MAMDC2: variants seen among roughly 807,000 people sequenced by gnomAD.
MAMDC2 encodes the protein MAM domain containing 2, also known as MAM domain-containing protein 2.
A neutral mutation model predicts 89.8 loss-of-function variants in MAMDC2; 57 were observed. The ratio of observed to expected loss-of-function variants is 0.63; its 90% confidence interval spans 0.51 to 0.79. The LOEUF (loss-of-function observed/expected upper bound fraction) is 0.79, where lower values mean the gene tolerates loss of function less well. Ranked by LOEUF, MAMDC2 falls within the 30% of genes least tolerant of loss-of-function variation. The pLI is 0.00. For synonymous variants in MAMDC2, 313 were observed against 293.4 expected, an observed-to-expected ratio of 1.07 and a Z score of -0.68; for missense variants, 800 against 820.6, an observed-to-expected ratio of 0.97 and a Z score of 0.31.
intron 2 of MAMDC2, among the ~76,000 whole-genome samples, chr9:70,095,106 T>C (rs1274295369): frequency 6.6e-6 from 1 of 152,092 alleles, no homozygotes. Flanking sequence ...CCTGAAGCAA[T>C]AAAGAGCCTG....
intron 4 of MAMDC2, among the ~76,000 whole-genome samples, chr9:70,111,681 G>T (rs2078391): frequency 0.33 from 49,689 of 152,116 alleles, 10,198 homozygotes; most frequent in Non-Finnish European, 0.45. Flanking sequence ...AATGTTCAGT[G>T]CTTGCTAATG....
rs569857379 is a variant in MAMDC2 at position 70,121,902 on chromosome 9, C to T, written c.644-4257C>T. 9.9e-5 allele frequency among the ~76,000 whole-genome samples: 15 copies of T among 152,236 alleles called. No individual in the cohort carries two copies. In the South Asian group the frequency reaches 3.1e-3, roughly 32 times the overall value. On this transcript the variant is annotated intron_variant, in intron 5 of 13. Transcript: ENST00000377182. Reference sequence around the variant, plus strand: ...AGGAGAATACAATGGCACCTGCAGCCACCTACCCATTGACTCCTCTTCCTC... The same window carrying T: ...AGGAGAATACAATGGCACCTGCAGCTACCTACCCATTGACTCCTCTTCCTC...
At chr9:70,115,419 A>G (rs1046538075) in intron 5 of MAMDC2, among the ~76,000 whole-genome samples, 7 of 151,640 alleles carry the variant, frequency 4.6e-5, no homozygotes, top group African/African-American at 1.5e-4. Context: ...CAGTGGTGCA[A>G]TCTCAGCTCA....
At chr9:70,178,864 G>A (rs2032570172) in intron 11 of MAMDC2, among the ~76,000 whole-genome samples, 1 of 152,220 alleles carries the variant, frequency 6.6e-6, no homozygotes, top group Non-Finnish European at 1.5e-5. Flanking sequence ...GAGGAAGGAA[G>A]CATTCCAGGA....
chr9:70,056,156 G>A (rs117126783), intron 2 of MAMDC2, among the ~76,000 whole-genome samples: 22 of 152,282 alleles, frequency 1.4e-4, no homozygotes, highest in African/African-American at 4.3e-4. Flanking sequence ...TGACTCCTTC[G>A]TTTACCAATA....
intron 11 of MAMDC2, among the ~76,000 whole-genome samples, chr9:70,185,295 T>C (rs1042155725): frequency 6.6e-6 from 1 of 152,178 alleles, no homozygotes; most frequent in Non-Finnish European, 1.5e-5. Context: ...CAGCCAGAGC[T>C]CTCCTGTAAG....
At chr9:70,123,366 G>A (rs1032573092) in intron 5 of MAMDC2, among the ~76,000 whole-genome samples, 1 of 152,108 alleles carries the variant, frequency 6.6e-6, no homozygotes, top group African/African-American at 2.4e-5. Flanking sequence ...GGGTTTCCAA[G>A]CTTGGGATAT....
At chr9:70,185,275 T>G (rs1307591105) in intron 11 of MAMDC2, among the ~76,000 whole-genome samples, 1 of 152,180 alleles carries the variant, frequency 6.6e-6, no homozygotes, top group East Asian at 1.9e-4. Context: ...GAGGGCCACC[T>G]GCCAGATGCC....
chr9:70,216,732 A>AGTT (rs1304766985), intron 11 of MAMDC2, among the ~76,000 whole-genome samples: 1 of 152,240 alleles, frequency 6.6e-6, no homozygotes, highest in East Asian at 1.9e-4. Flanking sequence ...ACTAGTGAAG[A>AGTT]GTTTAGGGCC....
At chr9:70,180,977 T>C (rs543033094) in intron 11 of MAMDC2, among the ~76,000 whole-genome samples, 1 of 152,362 alleles carries the variant, frequency 6.6e-6, no homozygotes, top group East Asian at 1.9e-4. Flanking sequence ...ATGGTTTTTA[T>C]GGTTTTAGGT....
chr9:70,139,485 G>A (rs1372454594), intron 7 of MAMDC2, among the ~76,000 whole-genome samples: 2 of 151,630 alleles, frequency 1.3e-5, no homozygotes, highest in East Asian at 1.9e-4. Context: ...ATTCCATGGT[G>A]TATATGTGCC....
At chr9:70,071,627 CAAAG>C (rs1380723253) in intron 2 of MAMDC2, 4 of 151,982 alleles carry the variant, frequency 2.6e-5, no homozygotes, top group African/African-American at 4.8e-5. Flanking sequence ...AAGATAAAGC[CAAAG>C]AAAGAGTTTG....
rs532556395 is a variant in MAMDC2 at position 70,167,557 on chromosome 9, A to G, written c.1405-1145A>G. ...GATTTGTAATTGAGGGATTCAATGA[A>G]CATGGACTAAATGAGCTTGTGCTAC... On this transcript the variant is annotated intron_variant, in intron 9 of 13. Transcript: ENST00000377182. Among the ~76,000 whole-genome samples the G allele has an allele frequency of 3.3e-5, 5 of 152,354 alleles. No homozygotes were observed. In the South Asian group the frequency reaches 1.0e-3, roughly 32 times the overall value.
intron 7 of MAMDC2, among the ~76,000 whole-genome samples, chr9:70,135,235 A>G (rs2118382061): frequency 6.6e-6 from 1 of 152,298 alleles, no homozygotes; most frequent in East Asian, 1.9e-4. Flanking sequence ...AGATGCTCAG[A>G]GGCTTCCAAC....
chr9:70,146,170 C>T (rs374399178), intron 9 of MAMDC2, among the ~76,000 whole-genome samples: 5 of 152,172 alleles, frequency 3.3e-5, no homozygotes, highest in South Asian at 4.1e-4. Flanking sequence ...AATTGGTGCA[C>T]GCCTCCTAGC....
At chr9:70,157,766 A>AG (rs1219021937) in intron 9 of MAMDC2, 2 of 152,574 alleles carry the variant, frequency 1.3e-5, no homozygotes, top group East Asian at 1.9e-4. Flanking sequence ...GTCAAGTCAG[A>AG]GGGGGAAAAA....
At chr9:70,058,457 A>T (rs988753057) in intron 2 of MAMDC2, among the ~76,000 whole-genome samples, 3 of 152,194 alleles carry the variant, frequency 2.0e-5, no homozygotes, top group Non-Finnish European at 4.4e-5. Context: ...TAGATAACCC[A>T]TATGGAGTGG....
At chr9:70,137,781 C>T (rs2031062454) in intron 7 of MAMDC2, among the ~76,000 whole-genome samples, 1 of 152,184 alleles carries the variant, frequency 6.6e-6, no homozygotes, top group Non-Finnish European at 1.5e-5. Flanking sequence ...AAGAATCACA[C>T]TTGGCTGCAC....
intron 11 of MAMDC2, among the ~76,000 whole-genome samples, chr9:70,200,858 G>T (rs1467202075): frequency 6.8e-6 from 1 of 146,178 alleles, no homozygotes; most frequent in African/African-American, 2.6e-5. Flanking sequence ...CTGTTTGTCT[G>T]TTGTTGGTGT....
Sources: allele counts gnomAD v4.1 joint callset (sites outside exome capture counted in the v4.1 genomes callset), GRCh38; gene constraint gnomAD v4.1.1; transcripts MANE v1.5; gene names NCBI Gene and HGNC (gene_info 2026-07-23, HGNC 2026-07-21).